SPACA7: variants seen among roughly 807,000 people sequenced by gnomAD.
SPACA7 encodes sperm acrosome-associated protein 7.
In SPACA7, 19 loss-of-function variants were observed where a neutral mutation model predicts 26.3. The observed-to-expected ratio is 0.72, with a 90% CI of 0.50 to 1.06. The LOEUF (loss-of-function observed/expected upper bound fraction) is 1.06, where lower values mean the gene tolerates loss of function less well. SPACA7 is among the 50% of genes least tolerant of loss of function. The pLI, the probability that SPACA7 is intolerant of heterozygous loss-of-function variation, is 0.00. For missense variants in SPACA7, 211 were observed against 229.9 expected, an observed-to-expected ratio of 0.92 and a Z score of 0.53; for synonymous variants, 84 against 84.5, an observed-to-expected ratio of 0.99 and a Z score of 0.04.
intron 2 of SPACA7, 65 bp from the exon 3 acceptor site, chr13:112,397,984 G>C: frequency 9.8e-7 from 1 of 1,022,532 alleles, no homozygotes; most frequent in Non-Finnish European, 1.5e-6. Context: ...TGGCCTTAGG[G>C]GACAGGAGCC....
chr13:112,385,208 T>C (rs1884447905), intron 1 of SPACA7, among the ~76,000 whole-genome samples: 1 of 152,224 alleles, frequency 6.6e-6, no homozygotes, highest in African/African-American at 2.4e-5. Context: ...CTTAAACCTT[T>C]AGTTTTGTCC....
Position 112,401,169 on chromosome 13 carries a change from A to G in SPACA7, c.445+5A>G. 4 of 1,610,052 alleles carry G rather than the reference A, an allele frequency of 2.5e-6. No homozygotes were observed. Among genetic ancestry groups the G allele is most frequent in the Non-Finnish European group, 3.4e-6 (4 of 1,176,378 alleles). On this transcript the variant is annotated splice_donor_5th_base_variant and intron_variant, in intron 5 of 6. Coordinates refer to ENST00000283550, the MANE Select transcript of SPACA7 (RefSeq NM_145248.5). ...AGAAGAGTGTTTCCAGTAAAGGTAA[A>G]TGTGCCCTGCCCACACTGAGAGCTC...
At chr13:112,394,149 C>G (rs887213418) in intron 2 of SPACA7, among the ~76,000 whole-genome samples, 9 of 152,204 alleles carry the variant, frequency 5.9e-5, no homozygotes, top group African/African-American at 2.2e-4. Flanking sequence ...CGGCCATTTC[C>G]ACGTGGACAG....
intron 5 of SPACA7, among the ~76,000 whole-genome samples, chr13:112,420,016 T>G (rs943956916): frequency 6.6e-6 from 1 of 152,210 alleles, no homozygotes; most frequent in Non-Finnish European, 1.5e-5. Context: ...GATTCTTCGG[T>G]GCATTGAAGA....
intron 6 of SPACA7, 71 bp from the exon 7 acceptor site, chr13:112,434,414 C>A: frequency 7.5e-7 from 1 of 1,338,504 alleles, no homozygotes; most frequent in Non-Finnish European, 1.1e-6. Context: ...TGGTGTCCCT[C>A]GATCCTGCCA....
rs529866024 is a variant in SPACA7 at position 112,425,493 on chromosome 13, G to A, written c.446-6951G>A. Reference sequence around the variant, plus strand: ...ACTCTGCTCCCAGTTTTCAGGCAGCGCGAGGCCACCCAGGATGGGCCATAA... The same window carrying A: ...ACTCTGCTCCCAGTTTTCAGGCAGCACGAGGCCACCCAGGATGGGCCATAA... On this transcript the variant is annotated intron_variant, in intron 5 of 6. Transcript: ENST00000283550. Among the ~76,000 whole-genome samples, 5 of 152,314 alleles carry A rather than the reference G, an allele frequency of 3.3e-5. No homozygotes were observed. In the South Asian group the frequency reaches 6.2e-4, roughly 19 times the overall value.
In SPACA7 at chr13:112,433,525, G is replaced by C. The variant is rs1332550171; in HGVS notation, c.524-960G>C. On this transcript the variant is annotated intron_variant, in intron 6 of 6. Transcript: ENST00000283550. The stretch of plus-strand genomic sequence containing the variant: ...TTCTGACTTTTCCATCCAGCCTGTT[G>C]GCTGCTGCTCCCAGCCCCTCACTGT... Among the ~76,000 whole-genome samples the C allele has an allele frequency of 2.6e-5, 4 of 151,796 alleles. No individual in the cohort carries two copies. The East Asian group carries it at 7.8e-4, about 30-fold the overall frequency.
In SPACA7 at chr13:112,386,699, A is replaced by G. The variant is rs765840843; in HGVS notation, c.95-6322A>G. On this transcript the variant is annotated intron_variant, in intron 1 of 6. Coordinates refer to ENST00000283550, the MANE Select transcript of SPACA7 (RefSeq NM_145248.5). ...AAACAAGATCCAAGAAGAGAAAAAC[A>G]TAAAGGCCTTTTAAATACATCTATA... Among the ~76,000 whole-genome samples the G allele has an allele frequency of 2.0e-5, 3 of 152,342 alleles. No individual in the cohort carries two copies. The South Asian group carries it at 6.2e-4, about 32-fold the overall frequency.
rs1026120253 is a variant in SPACA7, at chr13:112,432,611, G to A, written c.523+90G>A. ...GTGTGTCTCCGAGCAGCTCCAGGGA[G>A]AGCAGGTGAGCCCAGCCCCCAGGTG... On this transcript the variant is annotated intron_variant, in intron 6 of 6. Coordinates refer to ENST00000283550, the MANE Select transcript of SPACA7 (RefSeq NM_145248.5). The A allele has an allele frequency of 4.1e-6, 4 of 983,840 alleles. No individual in the cohort carries two copies. In the Admixed American group the frequency reaches 7.8e-5, roughly 19 times the overall value. The allele number at this position is 983,840 out of a possible 1,614,324, so 60.9% of individuals were successfully genotyped here. A position where few individuals can be genotyped will look rare whatever the true frequency, so the allele number is the denominator to read the frequency against.
At position 112,376,451 on chromosome 13, in the gene SPACA7, T is replaced by G. The variant is rs758699501; in HGVS notation, c.66T>G (p.Thr22=). ...TCCTGCTGTGCTGTTGGCAAGAAAC[T>G]GAGCTCCGGCCGAGAACCGTGATTC... ...FVLLLCCWQE[T]ELRPRTVIPG... is the part of the protein sequence containing the mutation. Residue 22 remains threonine, a synonymous_variant, in exon 1 of 7, where the codon ACT becomes ACG. Coordinates refer to ENST00000283550, the MANE Select transcript of SPACA7 (RefSeq NM_145248.5). The G allele has an allele frequency of 2.3e-5, 37 of 1,613,556 alleles. No homozygotes were observed. Among genetic ancestry groups the G allele is most frequent in the Non-Finnish European group, 2.9e-5 (34 of 1,179,858 alleles).
In SPACA7 at chr13:112,428,883, A is replaced by G. The variant is rs181935093; in HGVS notation, c.446-3561A>G. 1.5e-3 allele frequency among the ~76,000 whole-genome samples: 227 copies of G among 152,204 alleles called. 3 individuals carry two copies. The highest frequency in any genetic ancestry group is 5.3e-3 in the African/African-American group (221 of 41,514). On this transcript the variant is annotated intron_variant, in intron 5 of 6. Transcript: ENST00000283550. ...CAAGTATGCTAAGTAGACTTGTTCA[A>G]CTCTTCTATATCCTTATTAAATTTC...
At chr13:112,420,188 TA>T (rs1023136767) in intron 5 of SPACA7, among the ~76,000 whole-genome samples, 1 of 152,070 alleles carries the variant, frequency 6.6e-6, no homozygotes, top group Non-Finnish European at 1.5e-5. Flanking sequence ...TGACATTCAA[TA>T]AAAAATTACA....
At chr13:112,433,043 G>A (rs527628427) in intron 6 of SPACA7, among the ~76,000 whole-genome samples, 2 of 152,264 alleles carry the variant, frequency 1.3e-5, no homozygotes, top group East Asian at 3.9e-4. Context: ...CTGGCCCCAG[G>A]CTTCTCCTAG....
chr13:112,418,475 A>G (rs1406103325), intron 5 of SPACA7, among the ~76,000 whole-genome samples: 1 of 152,232 alleles, frequency 6.6e-6, no homozygotes, highest in Non-Finnish European at 1.5e-5. Flanking sequence ...GAAAATGGAA[A>G]TATGTCTGTG....
chr13:112,423,336 A>G (rs1186844136), intron 5 of SPACA7, among the ~76,000 whole-genome samples: 3 of 152,246 alleles, frequency 2.0e-5, no homozygotes. Flanking sequence ...TGCTTATGCT[A>G]AAATAAACAT....
chr13:112,392,991 T>A (rs756048292), intron 1 of SPACA7, 30 bp from the exon 2 acceptor site: 1 of 1,593,718 alleles, frequency 6.3e-7, no homozygotes, highest in Non-Finnish European at 8.6e-7. Context: ...ATGAACATTG[T>A]TAAACTGTAG....
At chr13:112,425,727 G>C (rs1049359149) in intron 5 of SPACA7, among the ~76,000 whole-genome samples, 6 of 152,120 alleles carry the variant, frequency 3.9e-5, no homozygotes, top group Non-Finnish European at 5.9e-5. Context: ...TTTGTGCCCT[G>C]GTTGAGAGCT....
rs58807449 is a variant in SPACA7 at position 112,434,066 on chromosome 13, T to C, written c.524-419T>C. ...GTGTGGCCGTCGGCAACAGAAGCCC[T>C]GGAGGTGACAGTGGGGACTTCCAGA... On this transcript the variant is annotated intron_variant, in intron 6 of 6. Coordinates refer to ENST00000283550, the MANE Select transcript of SPACA7 (RefSeq NM_145248.5). Among the ~76,000 whole-genome samples the C allele has an allele frequency of 1.4e-3, 201 of 148,130 alleles. 1 individual carries two copies. Among genetic ancestry groups the C allele is most frequent in the East Asian group, 6.2e-3 (32 of 5,126 alleles).
rs1594275400 is a variant in SPACA7 at position 112,399,232 on chromosome 13, G to A, written c.349+59G>A. On this transcript the variant is annotated intron_variant, in intron 4 of 6. Transcript: ENST00000283550. The stretch of plus-strand genomic sequence containing the variant: ...TCCAGCTGTAATGGGAGAGGTAGGA[G>A]GCAGGCAGACGCAGGCGGAAACATC... The A allele has an allele frequency of 8.6e-6, 8 of 926,304 alleles. No homozygotes were observed. The Middle Eastern group carries it at 1.1e-3, about 122-fold the overall frequency. 57.4% of individuals were successfully genotyped at this position (926,304 alleles called of 1,614,324 possible). A position where few individuals can be genotyped will look rare whatever the true frequency, so the allele number is the denominator to read the frequency against.
Sources: allele counts gnomAD v4.1 joint callset (sites outside exome capture counted in the v4.1 genomes callset), GRCh38; gene constraint gnomAD v4.1.1; transcripts MANE v1.5; gene names NCBI Gene and HGNC (gene_info 2026-07-23, HGNC 2026-07-21).